SGPP2: variants seen among roughly 807,000 people sequenced by gnomAD.
The protein encoded by SGPP2 is sphingosine 1-phosphate phosphohydrolase 2.
SGPP2 carries 30 observed loss-of-function variants against 33.9 expected under a neutral mutation model. The ratio of observed to expected loss-of-function variants is 0.89; its 90% CI spans 0.66 to 1.20. The LOEUF is 1.20. SGPP2 is among the 50% of genes most tolerant of loss of function. The probability of loss-of-function intolerance (pLI) is 0.00; values close to 1 mark genes in which losing one functional copy is unlikely to be tolerated. For missense variants in SGPP2, 458 were observed against 532.1 expected (o/e 0.86, Z 1.37); for synonymous variants, 233 against 225.0 (o/e 1.04, Z -0.32).
chr2:222,536,109 G>C (rs1574884291), intron 4 of SGPP2, among the ~76,000 whole-genome samples: 2 of 152,162 alleles, frequency 1.3e-5, no homozygotes, highest in Non-Finnish European at 2.9e-5. Context: ...TAGGAGCCAG[G>C]CTCCGTTTGC....
At chr2:222,535,238 C>T (rs1181976013) in intron 4 of SGPP2, among the ~76,000 whole-genome samples, 1 of 152,042 alleles carries the variant, frequency 6.6e-6, no homozygotes, top group Non-Finnish European at 1.5e-5. Context: ...ATTAGCCAGG[C>T]ATGATGGCAG....
chr2:222,460,234 C>G lies in SGPP2; in HGVS notation c.220-14334C>G, dbSNP rs72966731. Among the ~76,000 whole-genome samples, 1 of 152,138 alleles carries G rather than the reference C, an allele frequency of 6.6e-6. No individual in the cohort carries two copies. The highest frequency in any genetic ancestry group is 1.5e-5 in the Non-Finnish European group (1 of 67,972). ...TTGCTAAATAACTGTATCATCAGAT[C>G]CCACATGGCAGCGCCAAGGCCAAAC... On this transcript the variant is annotated intron_variant, in intron 1 of 4. Coordinates refer to ENST00000321276, the MANE Select transcript of SGPP2 (RefSeq NM_152386.4). The surrounding 1 kb of genome is among the most constrained non-coding windows in gnomAD (Gnocchi z 4.3).
intron 2 of SGPP2, among the ~76,000 whole-genome samples, chr2:222,501,375 A>G (rs1216627539): frequency 6.6e-6 from 1 of 152,066 alleles, no homozygotes; most frequent in Non-Finnish European, 1.5e-5. Context: ...TTCTATTAAG[A>G]ACAAAAACCT....
chr2:222,424,648 C>G lies in SGPP2; in HGVS notation c.46C>G (p.Arg16Gly). Residue 16 changes from arginine to glycine, a missense_variant, in exon 1 of 5, where the codon CGC (arginine) becomes GGC (glycine). Transcript: ENST00000321276. ...RSLQDSQLVA[R>G]FQRRCGLFPA... is the part of the protein sequence containing the mutation. ...CCTGCAGGATTCCCAGCTCGTCGCC[C>G]GCTTCCAGCGCCGCTGCGGGCTCTT... The G allele has an allele frequency of 1.4e-6, 2 of 1,429,726 alleles. No homozygotes were observed. The highest frequency in any genetic ancestry group is 9.2e-7 in the Non-Finnish European group (1 of 1,089,696). 88.6% of individuals were successfully genotyped at this position (1,429,726 alleles called of 1,614,324 possible).
At position 222,478,267 on chromosome 2, in the gene SGPP2, TTGTG is replaced by T. The variant is rs113118208; in HGVS notation, c.378+3567_378+3570del. The stretch of plus-strand genomic sequence containing the variant: ...TGCATCTTCGTGTATGTGCATGCAT[TTGTG>T]TGTGTGTGTGTGTGTGTGTGTGTGT... On this transcript the variant is annotated intron_variant, in intron 2 of 4. Transcript: ENST00000321276. 8.2e-3 allele frequency among the ~76,000 whole-genome samples: 1,153 copies of T among 141,206 alleles called. 8 individuals carry two copies. Among genetic ancestry groups the T allele is most frequent in the South Asian group, 0.011 (49 of 4,270 alleles). 92.6% of individuals were successfully genotyped at this position (141,206 alleles called of 152,430 possible). A position where few individuals can be genotyped will look rare whatever the true frequency, so the allele number is the denominator to read the frequency against.
intron 1 of SGPP2, among the ~76,000 whole-genome samples, chr2:222,453,509 G>T (rs1290184874): frequency 3.3e-5 from 5 of 151,794 alleles, no homozygotes; most frequent in Non-Finnish European, 4.4e-5. Flanking sequence ...TTCCACCTCT[G>T]CCACCCCTAA....
chr2:222,487,138 A>G (rs1427982212), intron 2 of SGPP2, among the ~76,000 whole-genome samples: 19 of 152,214 alleles, frequency 1.2e-4, no homozygotes, highest in Admixed American at 1.2e-3. Context: ...GAGAAGACTC[A>G]TGAGTCTTTT....
chr2:222,478,470 C>T (rs1463842357), intron 2 of SGPP2, among the ~76,000 whole-genome samples: 1 of 152,088 alleles, frequency 6.6e-6, no homozygotes, highest in Non-Finnish European at 1.5e-5. Flanking sequence ...GTACTTGGGC[C>T]AGCCAGGGCA....
chr2:222,471,654 C>T (rs1553536332), intron 1 of SGPP2, among the ~76,000 whole-genome samples: 1 of 152,082 alleles, frequency 6.6e-6, no homozygotes, highest in Non-Finnish European at 1.5e-5. Flanking sequence ...ACAAATGTAA[C>T]TTGTTTTCTG....
At chr2:222,434,975 TACACACACACACAC>T (rs71053082) in intron 1 of SGPP2, among the ~76,000 whole-genome samples, 6 of 146,008 alleles carry the variant, frequency 4.1e-5, no homozygotes, top group South Asian at 2.2e-4. Context: ...TGGAGATATA[TACACACACACACAC>T]ACACACACAC....
chr2:222,435,273 T>C (rs1697222860), intron 1 of SGPP2, among the ~76,000 whole-genome samples: 1 of 152,088 alleles, frequency 6.6e-6, no homozygotes, highest in African/African-American at 2.4e-5. Flanking sequence ...GGCCAGTCTC[T>C]CTTTTTACAT....
Position 222,560,392 on chromosome 2 carries a change from T to C in SGPP2, c.*1494T>C, listed in dbSNP as rs1315473543. 5.3e-5 allele frequency: 8 copies of C among 152,346 alleles called. No homozygotes were observed. Among genetic ancestry groups the C allele is most frequent in the Admixed American group, 5.2e-4 (8 of 15,298 alleles). 9.4% of individuals were successfully genotyped at this position (152,346 alleles called of 1,614,324 possible). A position where few individuals can be genotyped will look rare whatever the true frequency, so the allele number is the denominator to read the frequency against. On this transcript the variant is annotated 3_prime_UTR_variant, in exon 5 of 5. Coordinates refer to ENST00000321276, the MANE Select transcript of SGPP2 (RefSeq NM_152386.4). ...ATCTCTTGGCAATTTTAAGGGGAAT[T>C]AATGCAAGAACAACTTTAGTGTCTC... is the stretch of plus-strand genomic sequence containing the variant.
intron 2 of SGPP2, among the ~76,000 whole-genome samples, chr2:222,521,065 CTTTA>C (rs947681184): frequency 3.3e-5 from 5 of 152,212 alleles, no homozygotes; most frequent in African/African-American, 1.2e-4. Flanking sequence ...CAACCTGAGT[CTTTA>C]TTTAAAGACT....
intron 1 of SGPP2, among the ~76,000 whole-genome samples, chr2:222,448,713 A>T (rs1455477559): frequency 6.6e-6 from 1 of 152,260 alleles, no homozygotes; most frequent in Non-Finnish European, 1.5e-5. Flanking sequence ...TCACAAGTTT[A>T]TAAATTGTGA....
chr2:222,474,330 TCTC>T (rs1354223318), intron 1 of SGPP2, among the ~76,000 whole-genome samples: 1 of 152,206 alleles, frequency 6.6e-6, no homozygotes, highest in Non-Finnish European at 1.5e-5. Context: ...GTGTGTGTCT[TCTC>T]CTGGTACTTC....
chr2:222,472,810 T>C (rs765679934), intron 1 of SGPP2, among the ~76,000 whole-genome samples: 2 of 151,790 alleles, frequency 1.3e-5, no homozygotes, highest in Non-Finnish European at 2.9e-5. Flanking sequence ...AAGTCAGGAG[T>C]TGGACATAAA....
chr2:222,468,163 G>C (rs1159543088), intron 1 of SGPP2, among the ~76,000 whole-genome samples: 1 of 151,874 alleles, frequency 6.6e-6, no homozygotes, highest in Non-Finnish European at 1.5e-5. Context: ...ATTGATTACT[G>C]AACTGCTCTG....
intron 2 of SGPP2, among the ~76,000 whole-genome samples, chr2:222,479,377 T>A (rs976741976): frequency 1.3e-5 from 2 of 151,634 alleles, no homozygotes; most frequent in Non-Finnish European, 2.9e-5. Context: ...GTGCTCTGCT[T>A]GACTGTTTCT....
intron 2 of SGPP2, among the ~76,000 whole-genome samples, chr2:222,487,322 G>A (rs1481626332): frequency 2.6e-5 from 4 of 152,162 alleles, no homozygotes; most frequent in African/African-American, 4.8e-5. Flanking sequence ...GTTGGGATGC[G>A]CTTATAGCCC....
Sources: gnomAD v4.1 joint callset for allele counts (sites outside exome capture counted in the v4.1 genomes callset) on GRCh38, gnomAD v4.1.1 for gene constraint, Gnocchi (gnomAD v3.1) non-coding constraint, MANE v1.5 for transcripts, NCBI Gene and HGNC (gene_info 2026-07-23, HGNC 2026-07-21) for gene names.